The following ETV7 variants were observed in gnomAD, a reference collection of about 807,000 sequenced individuals.
ETV7 encodes the protein transcription factor ETV7.
A neutral mutation model predicts 39.1 loss-of-function variants in ETV7; 43 were observed. The observed-to-expected ratio is 1.10, with a 90% confidence interval of 0.86 to 1.42. The LOEUF (loss-of-function observed/expected upper bound fraction) is 1.42, where lower values mean the gene tolerates loss of function less well. ETV7 is among the 40% of genes most tolerant of loss of function. The probability of loss-of-function intolerance (pLI) is 0.00; values close to 1 mark genes in which losing one functional copy is unlikely to be tolerated. For synonymous variants in ETV7, 196 were observed against 176.6 expected (o/e 1.11, Z -0.87); for missense variants, 432 against 442.3 (o/e 0.98, Z 0.21).
At chr6:36,372,320 C>T (rs1441849533) in intron 4 of ETV7, among the ~76,000 whole-genome samples, 1 of 152,052 alleles carries the variant, frequency 6.6e-6, no homozygotes, top group African/African-American at 2.4e-5. Context: ...GCAGCAGGAG[C>T]ACGGGGGAGA....
intron 3 of ETV7, among the ~76,000 whole-genome samples, chr6:36,375,363 GTCCC>G (rs1773266793): frequency 1.3e-5 from 2 of 151,916 alleles, no homozygotes; most frequent in African/African-American, 2.4e-5. Flanking sequence ...CCCACCACCA[GTCCC>G]TCCCCACAAA....
chr6:36,366,216 T>C lies in ETV7; in HGVS notation c.*429A>G. 1 of 1,015,324 alleles carries C rather than the reference T, an allele frequency of 9.8e-7. No individual in the cohort carries two copies. Among genetic ancestry groups the C allele is most frequent in the Non-Finnish European group, 1.2e-6 (1 of 847,428 alleles). The allele number at this position is 1,015,324 out of a possible 1,614,324, so 62.9% of individuals were successfully genotyped here. A position where few individuals can be genotyped will look rare whatever the true frequency, so the allele number is the denominator to read the frequency against. ...ACATCAGCTACCATTGTTTTTATTG[T>C]TACTGAGGCTGTCAGTGCCGCCTGG... On this transcript the variant is annotated 3_prime_UTR_variant, in exon 8 of 8. Transcript: ENST00000340181.
At chr6:36,383,498 C>T (rs1773752000) in intron 2 of ETV7, among the ~76,000 whole-genome samples, 1 of 152,176 alleles carries the variant, frequency 6.6e-6, no homozygotes, top group Non-Finnish European at 1.5e-5. Flanking sequence ...TTATTCACTT[C>T]CTGCTGAGGC....
downstream of ETV7, among the ~76,000 whole-genome samples, chr6:36,362,059 G>A (rs948864839): frequency 2.0e-5 from 3 of 152,214 alleles, no homozygotes; most frequent in Non-Finnish European, 2.9e-5. Flanking sequence ...AGCACTTTGG[G>A]AGACTGAGGC....
chr6:36,359,324 G>A (rs193020550), intron 7 of ETV7, among the ~76,000 whole-genome samples: 8 of 152,130 alleles, frequency 5.3e-5, no homozygotes, highest in Non-Finnish European at 1.0e-4. Context: ...GGTGGTGCAC[G>A]CCTGTGATCC....
In ETV7 at chr6:36,366,397, G is replaced by A; in HGVS notation, c.*248C>T. 7.5e-7 allele frequency: 1 copy of A among 1,328,680 alleles called. No individual in the cohort carries two copies. Among genetic ancestry groups the A allele is most frequent in the East Asian group, 2.9e-5 (1 of 34,030 alleles). 82.3% of individuals were successfully genotyped at this position (1,328,680 alleles called of 1,614,324 possible). A position where few individuals can be genotyped will look rare whatever the true frequency, so the allele number is the denominator to read the frequency against. On this transcript the variant is annotated 3_prime_UTR_variant, in exon 8 of 8. Coordinates refer to ENST00000340181, the MANE Select transcript of ETV7 (RefSeq NM_016135.4). The stretch of plus-strand genomic sequence containing the variant: ...CGGTGCCTGGCTTCCTCTCCCAGGG[G>A]TGCAGTAGGGGAGAGTCCATTCCCC...
chr6:36,354,354 CTA>C, exon 8 of ETV7: 2 of 235,210 alleles, frequency 8.5e-6, no homozygotes, highest in Non-Finnish European at 1.6e-5. Context: ...AGATTTACTC[CTA>C]TGTTTTATTC....
chr6:36,386,497 G>C (rs1246668164), intron 1 of ETV7, among the ~76,000 whole-genome samples: 1 of 152,208 alleles, frequency 6.6e-6, no homozygotes, highest in Non-Finnish European at 1.5e-5. Flanking sequence ...AAAGTGGCAG[G>C]ATTTTGTAGG....
At chr6:36,357,121 T>C (rs1282799969) in intron 7 of ETV7, among the ~76,000 whole-genome samples, 1 of 152,154 alleles carries the variant, frequency 6.6e-6, no homozygotes, top group Non-Finnish European at 1.5e-5. Flanking sequence ...GAGCCAGGTA[T>C]CTCAGGAAAA....
chr6:36,371,214 C>T, intron 5 of ETV7, 116 bp downstream of exon 5: 1 of 1,034,640 alleles, frequency 9.7e-7, no homozygotes. Flanking sequence ...ACCCTGCAAT[C>T]CCCCAGCCAC....
chr6:36,386,543 G>A lies in ETV7; in HGVS notation c.7-874C>T, dbSNP rs532907934. Among the ~76,000 whole-genome samples the A allele has an allele frequency of 2.6e-5, 4 of 152,282 alleles. No homozygotes were observed. In the South Asian group the frequency reaches 8.3e-4, roughly 32 times the overall value. ...TCCTTCGGGCTCATGCCCAGCCACA[G>A]GCTGCCACAGCACGGAAAGGAAAAG... On this transcript the variant is annotated intron_variant, in intron 1 of 7. Coordinates refer to ENST00000340181, the MANE Select transcript of ETV7 (RefSeq NM_016135.4).
At chr6:36,364,894 G>A (rs1014353265), downstream of ETV7, among the ~76,000 whole-genome samples, 1 of 152,208 alleles carries the variant, frequency 6.6e-6, no homozygotes. Flanking sequence ...TTTTCCCATC[G>A]ATCCTTTTTC....
intron 1 of ETV7, 142 bp downstream of exon 1, chr6:36,387,394 G>T (rs1773966699): frequency 3.3e-6 from 4 of 1,215,872 alleles, no homozygotes; most frequent in Non-Finnish European, 3.6e-6. Context: ...ATGGATGTGA[G>T]GTTTAGGAAT....
rs375534809 is a variant in ETV7 at position 36,358,223 on chromosome 6, A to G, written c.909-3536T>C. 1.6e-4 allele frequency among the ~76,000 whole-genome samples: 24 copies of G among 152,344 alleles called. No homozygotes were observed. In the East Asian group the frequency reaches 4.2e-3, roughly 27 times the overall value. On this transcript the variant is annotated intron_variant, in intron 7 of 7. Transcript: ENST00000339796. ...ACTTTGATCTGGACATGTCTTCCTC[A>G]CTTAAAAGCTGGGTGAATTAATTTG...
downstream of ETV7, among the ~76,000 whole-genome samples, chr6:36,362,521 A>G (rs1002921633): frequency 1.1e-4 from 17 of 152,196 alleles, no homozygotes; most frequent in African/African-American, 4.1e-4. Flanking sequence ...GCCACTTTTC[A>G]GGACTTTAAT....
intron 4 of ETV7, among the ~76,000 whole-genome samples, chr6:36,372,897 C>T (rs1335667954): frequency 6.6e-6 from 1 of 151,376 alleles, no homozygotes; most frequent in Non-Finnish European, 1.5e-5. Flanking sequence ...GATGAGATTG[C>T]CCAGCATCTG....
At chr6:36,375,250 G>C (rs1320530631) in intron 3 of ETV7, among the ~76,000 whole-genome samples, 1 of 152,004 alleles carries the variant, frequency 6.6e-6, no homozygotes, top group Non-Finnish European at 1.5e-5. Context: ...CACCAAATCA[G>C]CACAAACAAA....
At chr6:36,381,035 C>T (rs1188031872) in intron 2 of ETV7, among the ~76,000 whole-genome samples, 1 of 152,052 alleles carries the variant, frequency 6.6e-6, no homozygotes, top group African/African-American at 2.4e-5. Flanking sequence ...AAAGCTATTT[C>T]CCACCACTTC....
Position 36,371,403 on chromosome 6 carries a change from C to T in ETV7, c.591G>A (p.Glu197=). ...AGACCCCCTGGGTCCTGCAGCCGAG[C>T]TCTGCACAGTGACATAAGTTGAGGG... The part of the protein sequence containing the change: ...EESLNLCHCA[E]LGCRTQGVCS... The change falls in exon 5 of 8, where the codon GAG becomes GAA. Residue 197 remains glutamate (E), a synonymous_variant. Coordinates refer to ENST00000340181, the MANE Select transcript of ETV7 (RefSeq NM_016135.4). The T allele has an allele frequency of 6.2e-7, 1 of 1,601,696 alleles. No individual in the cohort carries two copies. Among genetic ancestry groups the T allele is most frequent in the Non-Finnish European group, 8.5e-7 (1 of 1,173,644 alleles).
Sources: allele counts gnomAD v4.1 joint callset (sites outside exome capture counted in the v4.1 genomes callset), GRCh38; gene constraint gnomAD v4.1.1; transcripts MANE v1.5; gene names NCBI Gene and HGNC (gene_info 2026-07-23, HGNC 2026-07-21).